Variants in TMEM132D observed in about 807,000 individuals in gnomAD.
TMEM132D encodes mature OL transmembrane protein.
A neutral mutation model predicts 62.3 loss-of-function variants in TMEM132D; 21 were observed. The observed-to-expected ratio is 0.34, with a 90% confidence interval of 0.24 to 0.49. TMEM132D has a LOEUF of 0.49. TMEM132D is among the 20% of genes least tolerant of loss of function. The pLI, the probability that TMEM132D is intolerant of heterozygous loss-of-function variation, is 0.99. For synonymous variants in TMEM132D, 621 were observed against 575.6 expected (o/e 1.08, Z -1.13); for missense variants, 1,346 against 1,402.8 (o/e 0.96, Z 0.65).
chr12:129,353,482 G>GC (rs1191150415), intron 3 of TMEM132D, among the ~76,000 whole-genome samples: 5 of 152,072 alleles, frequency 3.3e-5, no homozygotes, highest in Admixed American at 3.3e-4. Flanking sequence ...CATCCTGCCA[G>GC]CCCCCCTCTT....
chr12:129,682,597 A>G (rs959324106), intron 2 of TMEM132D, among the ~76,000 whole-genome samples: 1 of 152,148 alleles, frequency 6.6e-6, no homozygotes, highest in Non-Finnish European at 1.5e-5. Context: ...GCAGTGACAA[A>G]TAAGACTTGC....
chr12:129,582,348 C>G (rs553442471), intron 2 of TMEM132D, among the ~76,000 whole-genome samples: 2 of 152,178 alleles, frequency 1.3e-5, no homozygotes, highest in African/African-American at 4.8e-5. Context: ...TAGTTTACTT[C>G]GGAGTGTGGT....
chr12:129,508,477 T>TCTCTTC (rs1311268744), intron 3 of TMEM132D, among the ~76,000 whole-genome samples: 1 of 152,186 alleles, frequency 6.6e-6, no homozygotes, highest in Admixed American at 6.5e-5. Flanking sequence ...CTCTTCTCCT[T>TCTCTTC]CTCTTCCTCT....
intron 1 of TMEM132D, among the ~76,000 whole-genome samples, chr12:129,720,260 G>T (rs776079043): frequency 1.3e-5 from 2 of 152,108 alleles, no homozygotes; most frequent in Non-Finnish European, 2.9e-5. Context: ...CAGAAAATGT[G>T]TTATTCTTAT....
chr12:129,218,868 G>T (rs1367662846), intron 4 of TMEM132D, among the ~76,000 whole-genome samples: 1 of 152,144 alleles, frequency 6.6e-6, no homozygotes, highest in Non-Finnish European at 1.5e-5. Context: ...ACAGTGACAG[G>T]GGAAGCCAAC....
At chr12:129,592,677 T>C (rs1205011308) in intron 2 of TMEM132D, among the ~76,000 whole-genome samples, 7 of 152,210 alleles carry the variant, frequency 4.6e-5, no homozygotes, top group Admixed American at 4.6e-4. Flanking sequence ...CTACATGTTA[T>C]GATATGGAAA....
chr12:129,363,386 T>A (rs764244720), intron 3 of TMEM132D, among the ~76,000 whole-genome samples: 10 of 152,234 alleles, frequency 6.6e-5, no homozygotes, highest in Non-Finnish European at 1.3e-4. Flanking sequence ...CACGATCTCT[T>A]TAAGCATGCA....
At chr12:129,285,533 A>AAAAAAAAAAAAAAAG (rs1881269925) in intron 4 of TMEM132D, among the ~76,000 whole-genome samples, 1 of 124,954 alleles carries the variant, frequency 8.0e-6, no homozygotes, top group Non-Finnish European at 1.7e-5. Flanking sequence ...TCTCAAAAAA[A>AAAAAAAAAAAAAAAG]AAAAAAAGAG....
chr12:129,519,595 A>T (rs1363190221), intron 3 of TMEM132D, among the ~76,000 whole-genome samples: 1 of 141,902 alleles, frequency 7.0e-6, no homozygotes, highest in Admixed American at 7.4e-5. Context: ...ATGACACCAA[A>T]AACAGATAAG....
chr12:129,457,478 T>A (rs928648586), intron 3 of TMEM132D, among the ~76,000 whole-genome samples: 1 of 149,458 alleles, frequency 6.7e-6, no homozygotes, highest in Non-Finnish European at 1.5e-5. Context: ...CATTAGGAGA[T>A]ATACCTAATG....
intron 4 of TMEM132D, among the ~76,000 whole-genome samples, chr12:129,245,839 G>C (rs967776701): frequency 6.6e-6 from 1 of 152,172 alleles, no homozygotes; most frequent in Non-Finnish European, 1.5e-5. Context: ...GGTCAGCCTG[G>C]TGTTTTAAAA....
chr12:129,875,030 A>C (rs1221981955), intron 1 of TMEM132D, among the ~76,000 whole-genome samples: 1 of 152,250 alleles, frequency 6.6e-6, no homozygotes, highest in Non-Finnish European at 1.5e-5. Flanking sequence ...ATATTGCATC[A>C]CATATAAAAA....
At chr12:129,652,850 C>T (rs934347678) in intron 2 of TMEM132D, among the ~76,000 whole-genome samples, 2 of 152,198 alleles carry the variant, frequency 1.3e-5, no homozygotes, top group African/African-American at 2.4e-5. Flanking sequence ...TTGCCAGACA[C>T]GTGCCAGGAA....
At chr12:129,369,203 T>A (rs773386447) in intron 3 of TMEM132D, among the ~76,000 whole-genome samples, 1 of 152,230 alleles carries the variant, frequency 6.6e-6, no homozygotes, top group Admixed American at 6.5e-5. Context: ...TGGGCATATC[T>A]GTGGTGTCTG....
chr12:129,486,975 CG>C (rs1302961900), intron 3 of TMEM132D, among the ~76,000 whole-genome samples: 1 of 148,982 alleles, frequency 6.7e-6, no homozygotes, highest in African/African-American at 2.5e-5. Flanking sequence ...ATGAAGGATA[CG>C]AGAGGCCTGT....
chr12:129,854,286 C>T (rs1873643852), intron 1 of TMEM132D, among the ~76,000 whole-genome samples: 1 of 152,172 alleles, frequency 6.6e-6, no homozygotes, highest in South Asian at 2.1e-4. Flanking sequence ...GAAATTCTCA[C>T]CCCGGCCTCT....
chr12:129,170,642 T>C (rs892656283), intron 5 of TMEM132D, among the ~76,000 whole-genome samples: 1 of 152,036 alleles, frequency 6.6e-6, no homozygotes, highest in African/African-American at 2.4e-5. Flanking sequence ...CTGGCCAACA[T>C]AGTAAAACCC....
chr12:129,455,912 C>G (rs545483190), intron 3 of TMEM132D, among the ~76,000 whole-genome samples: 1 of 152,222 alleles, frequency 6.6e-6, no homozygotes, highest in Non-Finnish European at 1.5e-5. Flanking sequence ...TAAAGGACAA[C>G]CCTACTCTCT....
chr12:129,691,886 AAACT>A (rs1203792878), intron 2 of TMEM132D, among the ~76,000 whole-genome samples: 1 of 152,104 alleles, frequency 6.6e-6, no homozygotes, highest in African/African-American at 2.4e-5. Context: ...TGAAAGACAC[AAACT>A]AACAAAACTC....
Sources: gnomAD v4.1 joint callset for allele counts (sites outside exome capture counted in the v4.1 genomes callset) on GRCh38, gnomAD v4.1.1 for gene constraint, MANE v1.5 for transcripts, NCBI Gene and HGNC (gene_info 2026-07-23, HGNC 2026-07-21) for gene names.